ABCA3: variants seen among roughly 807,000 people sequenced by gnomAD.
ABCA3 encodes the protein phospholipid-transporting ATPase ABCA3.
In ABCA3, 88 loss-of-function variants were observed where a neutral mutation model predicts 172.8. The ratio of observed to expected loss-of-function variants is 0.51; its 90% confidence interval spans 0.43 to 0.61. ABCA3 has a LOEUF of 0.61. Ranked by LOEUF, ABCA3 falls within the 20% of genes least tolerant of loss-of-function variation. The probability of loss-of-function intolerance (pLI) is 0.00; values close to 1 mark genes in which losing one functional copy is unlikely to be tolerated. For missense variants in ABCA3, 2,164 were observed against 2,301.0 expected (o/e 0.94, Z 1.22); for synonymous variants, 1,066 against 983.8 (o/e 1.08, Z -1.56).
chr16:2,317,790 TG>T lies in ABCA3; in HGVS notation c.874-27del, dbSNP rs774654533. ...CTGGGGAGAGAAGCCATCACGCTGC[TG>T]GGGGCCCGTCACTGCCCGCCATGAT... On this transcript the variant is annotated intron_variant, in intron 8 of 32. Transcript: ENST00000301732. 30 of 1,607,770 alleles carry T rather than the reference TG, an allele frequency of 1.9e-5. No homozygotes were observed. The South Asian group carries it at 2.7e-4, about 15-fold the overall frequency.
chr16:2,306,680 G>T (rs1166760075), intron 11 of ABCA3, among the ~76,000 whole-genome samples: 2 of 152,124 alleles, frequency 1.3e-5, no homozygotes, highest in African/African-American at 2.4e-5. Context: ...GAGCCCACAG[G>T]CCAAAGGCCG....
chr16:2,316,270 T>C (rs1211804755), intron 10 of ABCA3, among the ~76,000 whole-genome samples: 9 of 133,346 alleles, frequency 6.7e-5, no homozygotes, highest in South Asian at 4.6e-4. Context: ...GTCTGTGCCA[T>C]TGCACTCCAG....
intron 10 of ABCA3, among the ~76,000 whole-genome samples, chr16:2,316,979 A>C (rs902165101): frequency 6.6e-6 from 1 of 152,226 alleles, no homozygotes; most frequent in Non-Finnish European, 1.5e-5. Context: ...ATGATCTTCA[A>C]CGTAACTGTC....
In ABCA3 at chr16:2,297,117, C is replaced by G. The variant is rs1006127942; in HGVS notation, c.2263+212G>C. 6.6e-6 allele frequency among the ~76,000 whole-genome samples: 1 copy of G among 152,206 alleles called. No individual in the cohort carries two copies. The highest frequency in any genetic ancestry group is 1.5e-5 in the Non-Finnish European group (1 of 68,042). Reference sequence around the variant, plus strand: ...CTTCTGGTCATGGCTGAACCACATCCTAACCAAATTGAGACTTTCAGCTCC... The same window carrying G: ...CTTCTGGTCATGGCTGAACCACATCGTAACCAAATTGAGACTTTCAGCTCC... On this transcript the variant is annotated intron_variant, in intron 17 of 32. Transcript: ENST00000301732. The surrounding 1 kb of genome is among the most constrained non-coding windows in gnomAD (Gnocchi z 5.6).
At chr16:2,301,680 A>T (rs1175227367) in intron 12 of ABCA3, among the ~76,000 whole-genome samples, 3 of 151,986 alleles carry the variant, frequency 2.0e-5, no homozygotes, top group Non-Finnish European at 4.4e-5. Flanking sequence ...ACTGGACTCC[A>T]GCCTGGGCAA....
rs756665799 is a variant in ABCA3, at chr16:2,326,250, G to A, written c.79C>T (p.Leu27=). ...LQKRKVLVTV[L]ELFLPLLFSG... The stretch of plus-strand genomic sequence containing the variant: ...AACAGCAATGGCAGGAAGAGTTCCA[G>A]GACCGTCACCAGGACCTTCCGCTTC... The change falls in exon 5 of 33, where the codon CTG becomes TTG. Residue 27 remains leucine, a synonymous_variant. Transcript: ENST00000301732. 6.2e-7 allele frequency: 1 copy of A among 1,613,604 alleles called. No homozygotes were observed. The highest frequency in any genetic ancestry group is 1.1e-5 in the South Asian group (1 of 91,082).
rs2093648082 is a variant in ABCA3 at position 2,277,315 on chromosome 16, C to G, written c.4983+282G>C. ...TGTTGCCCAGGCTGGTCTAGAACTCCCAGGCTTAAGCAATCCTCCCTCCTC... is the reference window on the plus strand; with the variant it reads ...TGTTGCCCAGGCTGGTCTAGAACTCGCAGGCTTAAGCAATCCTCCCTCCTC... On this transcript the variant is annotated intron_variant, in intron 32 of 32. Coordinates refer to ENST00000301732, the MANE Select transcript of ABCA3 (RefSeq NM_001089.3). The surrounding 1 kb of genome is among the most constrained non-coding windows in gnomAD (Gnocchi z 5.3). Among the ~76,000 whole-genome samples the G allele has an allele frequency of 6.6e-6, 1 of 152,134 alleles. No individual in the cohort carries two copies. Among genetic ancestry groups the G allele is most frequent in the Non-Finnish European group, 1.5e-5 (1 of 68,018 alleles).
At chr16:2,291,689 C>T (rs45551336) in intron 19 of ABCA3, among the ~76,000 whole-genome samples, 65 of 152,336 alleles carry the variant, frequency 4.3e-4, no homozygotes, top group African/African-American at 1.1e-3. Context: ...GCTCTGACGG[C>T]GGCCACTGCC....
In ABCA3 at chr16:2,286,362, C is replaced by T. The variant is rs889827794; in HGVS notation, c.3278+332G>A. Among the ~76,000 whole-genome samples the T allele has an allele frequency of 1.3e-5, 2 of 152,182 alleles. No individual in the cohort carries two copies. Among genetic ancestry groups the T allele is most frequent in the Admixed American group, 1.3e-4 (2 of 15,280 alleles). ...CCCTCCATCACCTCAGCTCATGTGCCCAGCAGGTCACACTGCTGGAGAGAG... is the reference window on the plus strand; with the variant it reads ...CCCTCCATCACCTCAGCTCATGTGCTCAGCAGGTCACACTGCTGGAGAGAG... On this transcript the variant is annotated intron_variant, in intron 22 of 32. Transcript: ENST00000301732. The surrounding 1 kb of genome is among the most constrained non-coding windows in gnomAD (Gnocchi z 5.2).
At chr16:2,323,461 C>T in intron 7 of ABCA3, 62 bp downstream of exon 7, 1 of 1,602,376 alleles carries the variant, frequency 6.2e-7, no homozygotes, top group Non-Finnish European at 8.5e-7. Context: ...GGGCTGCCCC[C>T]ATATGACTGT....
intron 18 of ABCA3, among the ~76,000 whole-genome samples, chr16:2,292,717 C>T (rs1260545602): frequency 2.6e-5 from 4 of 152,084 alleles, no homozygotes; most frequent in African/African-American, 7.2e-5. Flanking sequence ...CTCAGGAGTT[C>T]GAGACCAGCC....
chr16:2,325,895 T>G, intron 5 of ABCA3, 115 bp downstream of exon 5: 1 of 1,459,470 alleles, frequency 6.9e-7, no homozygotes, highest in Non-Finnish European at 9.4e-7. Context: ...AGGCCAAGTC[T>G]GCACAGGGTG....
At chr16:2,291,627 C>T (rs535891793) in intron 19 of ABCA3, among the ~76,000 whole-genome samples, 3 of 152,318 alleles carry the variant, frequency 2.0e-5, no homozygotes, top group African/African-American at 4.8e-5. Context: ...TCACGTGTGC[C>T]GCCGTTTCCC....
intron 13 of ABCA3, 38 bp from the exon 14 acceptor site, chr16:2,299,570 GC>G (rs755819427): frequency 2.5e-6 from 4 of 1,609,532 alleles, no homozygotes; most frequent in South Asian, 1.1e-5. Flanking sequence ...GCTACCCACA[GC>G]CCCGAGGCCC....
Position 2,296,291 on chromosome 16 carries a change from C to A in ABCA3, c.2264-551G>T, listed in dbSNP as rs563166863. Among the ~76,000 whole-genome samples the A allele has an allele frequency of 3.9e-5, 6 of 151,928 alleles. No individual in the cohort carries two copies. The East Asian group carries it at 1.2e-3, about 29-fold the overall frequency. On this transcript the variant is annotated intron_variant, in intron 17 of 32. Coordinates refer to ENST00000301732, the MANE Select transcript of ABCA3 (RefSeq NM_001089.3). ...TGTCACCCAGGCTGGAGTGCAGCTG[C>A]ACAATCTTGGCTCACTGTAACTTCT...
chr16:2,334,668 C>G (rs899055979), intron 1 of ABCA3, among the ~76,000 whole-genome samples: 3 of 151,456 alleles, frequency 2.0e-5, no homozygotes, highest in African/African-American at 7.3e-5. Flanking sequence ...AGATGCCCGC[C>G]ACCACACCCA....
rs745941309 is a variant in ABCA3, at chr16:2,299,439, C to T, written c.1705G>A (p.Gly569Ser). The change falls in exon 14 of 33, where the codon GGT becomes AGT. Residue 569 changes from glycine (G) to serine (S), a missense_variant. This residue lies in a region of ABCA3 where 1,343 missense variants were observed against 1,369.6 expected (regional missense o/e 0.98). Transcript: ENST00000301732. ...GQITVLLGHNGAGKTTTLSML... is the reference protein window; with the variant it reads ...GQITVLLGHNSAGKTTTLSML... ...GAGAGGGTGGTGGTCTTCCCGGCAC[C>T]GTTGTGGCCCAGCAGGACGGTGATC... 9.9e-6 allele frequency: 16 copies of T among 1,613,826 alleles called. No homozygotes were observed. Among genetic ancestry groups the T allele is most frequent in the Admixed American group, 3.3e-5 (2 of 60,032 alleles).
intron 18 of ABCA3, 135 bp downstream of exon 18, chr16:2,295,455 G>A: frequency 7.4e-7 from 1 of 1,360,430 alleles, no homozygotes; most frequent in Non-Finnish European, 1.0e-6. Context: ...ATGGTGCCCA[G>A]GCTGAGGGTC....
In ABCA3 at chr16:2,304,060, T is replaced by TCCAGCAGCAGCATCC; in HGVS notation, c.1361_1375dup (p.Gly454_Leu458dup). The TCCAGCAGCAGCATCC allele has an allele frequency of 3.1e-6, 5 of 1,613,722 alleles. No individual in the cohort carries two copies. The highest frequency in any genetic ancestry group is 4.2e-6 in the Non-Finnish European group (5 of 1,179,920). On this transcript the variant is annotated inframe_insertion, in exon 12 of 33. Transcript: ENST00000301732. ...GGTCACCAGGCCATAGAGCACAGAG[T>TCCAGCAGCAGCATCC]CCAGCAGCAGCATCCCCAGCACCTG...
Sources: gnomAD v4.1 joint callset for allele counts (sites outside exome capture counted in the v4.1 genomes callset) on GRCh38, gnomAD v4.1.1 for gene constraint, gnomAD v4.1.1 regional missense constraint, Gnocchi (gnomAD v3.1) non-coding constraint, MANE v1.5 for transcripts, NCBI Gene and HGNC (gene_info 2026-07-23, HGNC 2026-07-21) for gene names.